The following NRXN1 variants were observed in gnomAD, a reference collection of about 807,000 sequenced individuals.
NRXN1 encodes the protein neurexin 1, also known as neurexin-1.
Under a neutral mutation model 150.9 loss-of-function variants are expected in NRXN1, and 39 were observed. The ratio of observed to expected loss-of-function variants is 0.26; its 90% CI spans 0.20 to 0.34. The LOEUF is 0.34. Among genes scored for constraint, NRXN1 ranks in the 10% least tolerant of loss-of-function variants. NRXN1 has a pLI of 1.00. For synonymous variants in NRXN1, 924 were observed against 757.0 expected (o/e 1.22, Z -3.62); for missense variants, 1,815 against 1,949.9 (o/e 0.93, Z 1.30).
At chr2:50,528,806 T>C in intron 11 of NRXN1, 155 bp from the exon 12 acceptor site, 1 of 516,314 alleles carries the variant, frequency 1.9e-6, no homozygotes. Flanking sequence ...AAAGCCCAGA[T>C]GTTTTGTTAT....
chr2:50,473,063 T>A (rs903922222), intron 15 of NRXN1, among the ~76,000 whole-genome samples: 1 of 151,904 alleles, frequency 6.6e-6, no homozygotes, highest in Non-Finnish European at 1.5e-5. Context: ...AATTTCTTCT[T>A]GTATCTAAAG....
intron 5 of NRXN1, among the ~76,000 whole-genome samples, chr2:50,867,398 G>A (rs1267809011): frequency 6.6e-6 from 1 of 151,742 alleles, no homozygotes; most frequent in Non-Finnish European, 1.5e-5. Flanking sequence ...TTCACTACAG[G>A]GAAATGGTTG....
At chr2:50,714,479 G>A (rs758769368) in intron 5 of NRXN1, among the ~76,000 whole-genome samples, 13 of 151,976 alleles carry the variant, frequency 8.6e-5, no homozygotes, top group East Asian at 1.9e-4. Context: ...AGTTCATCTT[G>A]GAACTGAAAG....
At chr2:50,582,035 G>C (rs1412587780) in intron 8 of NRXN1, among the ~76,000 whole-genome samples, 3 of 152,054 alleles carry the variant, frequency 2.0e-5, no homozygotes, top group South Asian at 4.1e-4. Flanking sequence ...TCATAAATTA[G>C]TGAAATCTGT....
intron 18 of NRXN1, among the ~76,000 whole-genome samples, chr2:50,153,795 C>A (rs1451755298): frequency 1.3e-5 from 2 of 151,738 alleles, no homozygotes; most frequent in Non-Finnish European, 2.9e-5. Context: ...GGGTTTGCAA[C>A]AATGAGGAGA....
At chr2:50,955,557 CA>C (rs775960934) in intron 2 of NRXN1, among the ~76,000 whole-genome samples, 1 of 152,096 alleles carries the variant, frequency 6.6e-6, no homozygotes, top group Non-Finnish European at 1.5e-5. Flanking sequence ...TAAGCTATGT[CA>C]AAGGATCATA....
intron 19 of NRXN1, among the ~76,000 whole-genome samples, chr2:50,085,311 G>A (rs531112851): frequency 2.0e-4 from 31 of 152,124 alleles, no homozygotes; most frequent in African/African-American, 4.6e-4. Flanking sequence ...TGATTATTAC[G>A]TCTTTTGTTA....
At chr2:50,546,468 A>C (rs897361763) in intron 9 of NRXN1, among the ~76,000 whole-genome samples, 2 of 152,198 alleles carry the variant, frequency 1.3e-5, no homozygotes, top group African/African-American at 4.8e-5. Context: ...CCCAGAAAAT[A>C]AATTTTGCTA....
At chr2:50,847,838 G>A (rs962389123) in intron 5 of NRXN1, among the ~76,000 whole-genome samples, 5 of 152,090 alleles carry the variant, frequency 3.3e-5, no homozygotes, top group South Asian at 2.1e-4. Flanking sequence ...TGGCTGGAGC[G>A]ACCAGAGAAG....
At chr2:50,352,118 C>T (rs1010790441) in intron 17 of NRXN1, among the ~76,000 whole-genome samples, 5 of 152,082 alleles carry the variant, frequency 3.3e-5, no homozygotes, top group South Asian at 2.1e-4. Flanking sequence ...AGCCCACTCA[C>T]GCCTGATGAT....
chr2:49,965,672 C>G (rs534059205), intron 21 of NRXN1, among the ~76,000 whole-genome samples: 1 of 152,238 alleles, frequency 6.6e-6, no homozygotes, highest in African/African-American at 2.4e-5. Flanking sequence ...AAAATGCTTA[C>G]AAAGCCTTTT....
chr2:50,367,525 T>C (rs944428596), intron 17 of NRXN1, among the ~76,000 whole-genome samples: 6 of 152,032 alleles, frequency 3.9e-5, no homozygotes, highest in Admixed American at 1.3e-4. Flanking sequence ...TACCAAGCCC[T>C]GGACTCATTC....
At chr2:50,486,871 T>C (rs1461341366) in intron 15 of NRXN1, among the ~76,000 whole-genome samples, 1 of 152,178 alleles carries the variant, frequency 6.6e-6, no homozygotes, top group Non-Finnish European at 1.5e-5. Context: ...GTCCTTTTTA[T>C]GAACCCTTGA....
At chr2:49,988,115 CT>C (rs1231366172) in intron 21 of NRXN1, among the ~76,000 whole-genome samples, 1 of 151,958 alleles carries the variant, frequency 6.6e-6, no homozygotes, top group Non-Finnish European at 1.5e-5. Flanking sequence ...TGCTAAATTG[CT>C]GCAAAATGTG....
chr2:50,116,529 C>T (rs1192168158), intron 18 of NRXN1, among the ~76,000 whole-genome samples: 2 of 152,032 alleles, frequency 1.3e-5, no homozygotes, highest in Non-Finnish European at 2.9e-5. Flanking sequence ...CAGCTCTCTG[C>T]TTAAAAAGGG....
chr2:50,889,442 G>C (rs1680733181), intron 5 of NRXN1, among the ~76,000 whole-genome samples: 3 of 151,700 alleles, frequency 2.0e-5, no homozygotes, highest in Non-Finnish European at 4.4e-5. Flanking sequence ...CACTCCGTAA[G>C]TTCATGCAAG....
chr2:50,252,773 G>T (rs958628431), intron 17 of NRXN1, among the ~76,000 whole-genome samples: 9 of 151,998 alleles, frequency 5.9e-5, no homozygotes, highest in African/African-American at 2.2e-4. Flanking sequence ...TGTTCCATTA[G>T]TCTATGTGTC....
At chr2:50,398,147 T>A (rs769498733) in intron 17 of NRXN1, among the ~76,000 whole-genome samples, 15 of 152,156 alleles carry the variant, frequency 9.9e-5, no homozygotes, top group Non-Finnish European at 1.5e-5. Flanking sequence ...TAAGTGGGGA[T>A]GATTTATTGG....
At chr2:50,601,562 G>T (rs1676279349) in intron 8 of NRXN1, among the ~76,000 whole-genome samples, 1 of 152,158 alleles carries the variant, frequency 6.6e-6, no homozygotes, top group African/African-American at 2.4e-5. Context: ...TATCCAAAAT[G>T]TTCACCCTTG....
Sources: allele counts gnomAD v4.1 joint callset (sites outside exome capture counted in the v4.1 genomes callset), GRCh38; gene constraint gnomAD v4.1.1; transcripts MANE v1.5; gene names NCBI Gene and HGNC (gene_info 2026-07-23, HGNC 2026-07-21).